Variants in RGS20 observed in about 807,000 individuals in gnomAD.
RGS20 encodes the protein regulator of G protein signaling 20.
Under a neutral mutation model 33.6 loss-of-function variants are expected in RGS20, and 30 were observed. The ratio of observed to expected loss-of-function variants is 0.89; its 90% CI spans 0.67 to 1.21. RGS20 has a LOEUF of 1.21. Among genes scored for constraint, RGS20 ranks in the 50% most tolerant of loss-of-function variants. The pLI is 0.00. For synonymous variants in RGS20, 208 were observed against 197.9 expected (o/e 1.05, Z -0.43); for missense variants, 472 against 502.4 (o/e 0.94, Z 0.58).
intron 4 of RGS20, among the ~76,000 whole-genome samples, chr8:53,952,552 C>A (rs1814741679): frequency 6.6e-6 from 1 of 151,650 alleles, no homozygotes; most frequent in Admixed American, 6.6e-5. Context: ...TGGTGAAACG[C>A]CATCTCTACT....
intron 1 of RGS20, among the ~76,000 whole-genome samples, chr8:53,862,752 T>A (rs533484994): frequency 2.6e-5 from 4 of 152,270 alleles, no homozygotes; most frequent in African/African-American, 9.6e-5. Context: ...TGAGCTATGA[T>A]CATGCCACTA....
At chr8:53,939,478 T>C (rs1585942583) in intron 2 of RGS20, 98 bp from the exon 2 acceptor site, 5 of 1,298,958 alleles carry the variant, frequency 3.8e-6, no homozygotes, top group East Asian at 2.9e-5. Context: ...GTAGTCGCAC[T>C]GTATCTTTTC....
At chr8:53,935,416 A>C (rs1264804583) in intron 2 of RGS20, among the ~76,000 whole-genome samples, 2 of 152,218 alleles carry the variant, frequency 1.3e-5, no homozygotes, top group African/African-American at 4.8e-5. Flanking sequence ...AAAATTATAA[A>C]GCAGATATCA....
intron 2 of RGS20, among the ~76,000 whole-genome samples, chr8:53,902,417 G>A (rs142999074): frequency 2.6e-5 from 4 of 152,350 alleles, no homozygotes; most frequent in African/African-American, 9.6e-5. Flanking sequence ...GAATGGCTGG[G>A]TCAGAGGGTG....
chr8:53,856,744 G>A (rs948763232), intron 1 of RGS20, among the ~76,000 whole-genome samples: 2 of 152,202 alleles, frequency 1.3e-5, no homozygotes, highest in Non-Finnish European at 2.9e-5. Flanking sequence ...GCTTAGACAA[G>A]AGAGCTGTTT....
chr8:53,892,775 AT>A, intron 2 of RGS20, among the ~76,000 whole-genome samples: 1 of 152,352 alleles, frequency 6.6e-6, no homozygotes, highest in Middle Eastern at 3.4e-3. Context: ...CTGACCATGT[AT>A]AATTTGATTT....
intron 2 of RGS20, among the ~76,000 whole-genome samples, chr8:53,881,800 G>C (rs1812392381): frequency 6.6e-6 from 1 of 152,146 alleles, no homozygotes; most frequent in Non-Finnish European, 1.5e-5. Flanking sequence ...GGATTTTCCT[G>C]GAACAAACCC....
intron 1 of RGS20, among the ~76,000 whole-genome samples, chr8:53,855,211 C>G (rs1287611439): frequency 1.3e-5 from 2 of 152,054 alleles, no homozygotes; most frequent in East Asian, 1.9e-4. Context: ...ACTACAGGCA[C>G]GTGCCACCAC....
chr8:53,872,869 C>T (rs60437052), intron 1 of RGS20, among the ~76,000 whole-genome samples: 2,510 of 152,156 alleles, frequency 0.016, 55 homozygotes, highest in African/African-American at 0.048. Flanking sequence ...ATATAAACAA[C>T]ATAAAATTCA....
intron 2 of RGS20, among the ~76,000 whole-genome samples, chr8:53,911,096 A>C (rs1813335404): frequency 6.6e-6 from 1 of 152,220 alleles, no homozygotes; most frequent in Non-Finnish European, 1.5e-5. Context: ...TTTGGAAATA[A>C]AAATAGTGCT....
In RGS20 at chr8:53,946,765, T is replaced by G. The variant is rs765079098; in HGVS notation, c.743+17T>G. The G allele has an allele frequency of 1.4e-5, 22 of 1,604,436 alleles. No homozygotes were observed. Among genetic ancestry groups the G allele is most frequent in the Admixed American group, 1.0e-4 (6 of 59,654 alleles). Reference sequence around the variant, plus strand: ...GGAAGAAAGGTGAAATCACACGTTTTTTTTACCTCACTAAACTAACAGAAA... The same window carrying G: ...GGAAGAAAGGTGAAATCACACGTTTGTTTTACCTCACTAAACTAACAGAAA... On this transcript the variant is annotated intron_variant, in intron 4 of 5. Coordinates refer to ENST00000297313, the MANE Select transcript of RGS20 (RefSeq NM_170587.4).
intron 1 of RGS20, among the ~76,000 whole-genome samples, chr8:53,875,450 A>C (rs916812623): frequency 2.1e-4 from 30 of 145,584 alleles, no homozygotes; most frequent in Admixed American, 8.2e-4. Context: ...AAAAAAAAAA[A>C]CCAAAAAAAC....
Position 53,912,840 on chromosome 8 carries a change from C to T in RGS20, c.511-26736C>T, listed in dbSNP as rs368955186. ...GGAAAAGTAGGATAAAAACTTGATT[C>T]TTTCCCCTTATTTATCAGTTTTCAA... On this transcript the variant is annotated intron_variant, in intron 2 of 5. Transcript: ENST00000297313. Among the ~76,000 whole-genome samples the T allele has an allele frequency of 2.2e-4, 34 of 152,178 alleles. 1 individual carries two copies. The highest frequency in any genetic ancestry group is 7.7e-4 in the African/African-American group (32 of 41,548).
Position 53,930,535 on chromosome 8 carries a change from G to A in RGS20, c.511-9041G>A, listed in dbSNP as rs371015362. On this transcript the variant is annotated intron_variant, in intron 2 of 5. Coordinates refer to ENST00000297313, the MANE Select transcript of RGS20 (RefSeq NM_170587.4). ...CCTTCCTACTTCTGGAAATTAATTA[G>A]GATATGGTTTTGTTTTTTGTTTTTT... 2.4e-4 allele frequency among the ~76,000 whole-genome samples: 36 copies of A among 152,246 alleles called. 1 individual carries two copies. Among genetic ancestry groups the A allele is most frequent in the African/African-American group, 8.2e-4 (34 of 41,564 alleles).
intron 2 of RGS20, among the ~76,000 whole-genome samples, chr8:53,924,144 A>G (rs1401523959): frequency 6.6e-6 from 1 of 151,824 alleles, no homozygotes; most frequent in Non-Finnish European, 1.5e-5. Context: ...CTGCCTCCTG[A>G]GTAGCTAGGA....
intron 2 of RGS20, among the ~76,000 whole-genome samples, chr8:53,918,105 T>G (rs958133828): frequency 6.6e-6 from 1 of 152,208 alleles, no homozygotes; most frequent in African/African-American, 2.4e-5. Context: ...TCATACACCG[T>G]AAGGCTCACC....
In RGS20 at chr8:53,883,195, G is replaced by C. The variant is rs563641912; in HGVS notation, c.510+3593G>C. 2.3e-3 allele frequency among the ~76,000 whole-genome samples: 340 copies of C among 149,904 alleles called. 3 individuals carry two copies. Among genetic ancestry groups the C allele is most frequent in the African/African-American group, 7.9e-3 (323 of 40,642 alleles). On this transcript the variant is annotated intron_variant, in intron 2 of 5. Transcript: ENST00000297313. The stretch of plus-strand genomic sequence containing the variant: ...CTTTGAGACTGAGTTTCGCTCTTGT[G>C]GCCCAGGCTGGAGTGCAATGGCGCG...
At chr8:53,906,375 C>CA (rs1813175055) in intron 2 of RGS20, among the ~76,000 whole-genome samples, 1 of 148,748 alleles carries the variant, frequency 6.7e-6, no homozygotes, top group African/African-American at 2.5e-5. Context: ...GACTCCATCT[C>CA]AAAAAAAGAA....
chr8:53,877,480 GTCC>G lies in RGS20; in HGVS notation c.166-1771_166-1769del, dbSNP rs879716287. Among the ~76,000 whole-genome samples, 28 of 152,212 alleles carry G rather than the reference GTCC, an allele frequency of 1.8e-4. No homozygotes were observed. The highest frequency in any genetic ancestry group is 3.5e-4 in the Non-Finnish European group (24 of 68,020). On this transcript the variant is annotated intron_variant, in intron 1 of 5. Coordinates refer to ENST00000297313, the MANE Select transcript of RGS20 (RefSeq NM_170587.4). This position sits in a 1 kb window ranked among gnomAD's most constrained non-coding sequence, Gnocchi z 5.7. ...CCCCAGCCGGAGGGGCGCGTCCCCT[GTCC>G]TCCTCCCGAGCGAGACGAACGCTCA...
Sources: gnomAD v4.1 joint callset for allele counts (sites outside exome capture counted in the v4.1 genomes callset) on GRCh38, gnomAD v4.1.1 for gene constraint, Gnocchi (gnomAD v3.1) non-coding constraint, MANE v1.5 for transcripts, NCBI Gene and HGNC (gene_info 2026-07-23, HGNC 2026-07-21) for gene names.